The following CRYL1 variants were observed in gnomAD, a reference collection of about 807,000 sequenced individuals.
CRYL1 encodes the protein crystallin lambda 1, also known as lambda-crystallin homolog.
In CRYL1, 29 loss-of-function variants were observed where a neutral mutation model predicts 36.6. The ratio of observed to expected loss-of-function variants is 0.79; its 90% CI spans 0.59 to 1.08. CRYL1 has a LOEUF of 1.08. CRYL1 is among the 50% of genes least tolerant of loss of function. CRYL1 has a pLI of 0.00. For synonymous variants in CRYL1, 152 were observed against 151.5 expected (o/e 1.00, Z -0.02); for missense variants, 411 against 407.9 (o/e 1.01, Z -0.06).
intron 3 of CRYL1, among the ~76,000 whole-genome samples, chr13:20,471,061 T>A (rs1373814834): frequency 6.6e-6 from 1 of 152,052 alleles, no homozygotes; most frequent in Non-Finnish European, 1.5e-5. Context: ...AGAAGTTGTC[T>A]CAGCCATCAA....
At chr13:20,431,062 A>G in intron 5 of CRYL1, 1 of 985,460 alleles carries the variant, frequency 1.0e-6, no homozygotes, top group Non-Finnish European at 1.2e-6. Flanking sequence ...CCGGCAGTCC[A>G]GTCAGACAAT....
At chr13:20,422,985 G>A (rs1245605995) in intron 5 of CRYL1, among the ~76,000 whole-genome samples, 2 of 152,130 alleles carry the variant, frequency 1.3e-5, no homozygotes, top group Non-Finnish European at 2.9e-5. Flanking sequence ...ATAGTTGTCA[G>A]TGTACAGATA....
At chr13:20,411,727 C>T (rs192751720) in intron 6 of CRYL1, among the ~76,000 whole-genome samples, 1 of 152,298 alleles carries the variant, frequency 6.6e-6, no homozygotes, top group East Asian at 1.9e-4. Flanking sequence ...TCTTTCTCTA[C>T]ATTATCTTCT....
At chr13:20,472,378 G>A (rs2033078390) in intron 3 of CRYL1, among the ~76,000 whole-genome samples, 1 of 152,140 alleles carries the variant, frequency 6.6e-6, no homozygotes, top group African/African-American at 2.4e-5. Flanking sequence ...TTCAAGTCGT[G>A]GTTGGCTGAA....
chr13:20,464,935 C>CA (rs2032901849), intron 3 of CRYL1, among the ~76,000 whole-genome samples: 1 of 152,310 alleles, frequency 6.6e-6, no homozygotes, highest in Admixed American at 6.5e-5. Context: ...AAAACCTCTG[C>CA]ACCTTTTTCA....
intron 5 of CRYL1, chr13:20,426,617 C>G (rs1565960050): frequency 1.2e-6 from 1 of 832,140 alleles, no homozygotes; most frequent in Non-Finnish European, 1.4e-6. Flanking sequence ...CACAGAGACA[C>G]ATACAGAGCC....
chr13:20,437,168 AAGAG>A (rs35923379), intron 4 of CRYL1, among the ~76,000 whole-genome samples: 7,089 of 151,462 alleles, frequency 0.047, 375 homozygotes, highest in Admixed American at 0.17. Flanking sequence ...AGAATAAAAA[AAGAG>A]AGAGAGAGAG....
intron 2 of CRYL1, among the ~76,000 whole-genome samples, chr13:20,493,020 T>C (rs556196215): frequency 9.7e-4 from 147 of 152,324 alleles, no homozygotes; most frequent in Non-Finnish European, 1.8e-3. Context: ...AGTTCTCTTT[T>C]TCGCCAATGA....
chr13:20,416,020 C>G (rs895890612), intron 5 of CRYL1, among the ~76,000 whole-genome samples: 2 of 152,192 alleles, frequency 1.3e-5, no homozygotes, highest in Non-Finnish European at 2.9e-5. Context: ...CGCACAGGGC[C>G]CGGGCCGCGG....
chr13:20,512,469 CT>C lies in CRYL1; in HGVS notation c.122del (p.Gln41ArgfsTer2). 1 of 1,614,082 alleles carries C rather than the reference CT, an allele frequency of 6.2e-7. No individual in the cohort carries two copies. The highest frequency in any genetic ancestry group is 1.1e-5 in the South Asian group (1 of 91,056). Reference sequence around the variant, plus strand: ...TGATGTTTTCCAGGGCGTTCCTTATCTGCTGTTGCTCAATGTCATAGAGTTT... The same window carrying C: ...TGATGTTTTCCAGGGCGTTCCTTATCGCTGTTGCTCAATGTCATAGAGTTT... ...QVKLYDIEQQ[Q>X]IRNALENIRK... On this transcript the variant is annotated frameshift_variant, in exon 2 of 8. Coordinates refer to ENST00000298248, the MANE Select transcript of CRYL1 (RefSeq NM_015974.3). LOFTEE classifies it high-confidence loss of function.
At chr13:20,523,644 G>A (rs2034135986) in intron 1 of CRYL1, among the ~76,000 whole-genome samples, 1 of 152,018 alleles carries the variant, frequency 6.6e-6, no homozygotes, top group South Asian at 2.1e-4. Flanking sequence ...AAAGAAGGGT[G>A]GTAAAGAGGA....
At chr13:20,452,812 C>A (rs1013484094) in intron 3 of CRYL1, among the ~76,000 whole-genome samples, 2 of 152,060 alleles carry the variant, frequency 1.3e-5, no homozygotes, top group African/African-American at 4.8e-5. Context: ...GGGGCAGAGG[C>A]TTTATGGGAA....
intron 1 of CRYL1, among the ~76,000 whole-genome samples, chr13:20,516,635 A>G (rs2137516297): frequency 6.6e-6 from 1 of 151,872 alleles, no homozygotes; most frequent in Non-Finnish European, 1.5e-5. Flanking sequence ...GCTCGCCACC[A>G]CGCCTGGCTA....
chr13:20,463,708 C>T (rs2032877124), intron 3 of CRYL1, among the ~76,000 whole-genome samples: 1 of 152,130 alleles, frequency 6.6e-6, no homozygotes, highest in Non-Finnish European at 1.5e-5. Context: ...ATTTCACATT[C>T]AACAGATTGG....
chr13:20,522,911 CTTTT>C (rs386378385), intron 1 of CRYL1, among the ~76,000 whole-genome samples: 22 of 82,962 alleles, frequency 2.7e-4, no homozygotes, highest in African/African-American at 6.3e-4. Flanking sequence ...CCCATTTCTA[CTTTT>C]TTTTTTTTTT....
rs572795374 is a variant in CRYL1 at position 20,426,883 on chromosome 13, C to A, written c.633+5219G>T. On this transcript the variant is annotated intron_variant, in intron 5 of 7. Coordinates refer to ENST00000298248, the MANE Select transcript of CRYL1 (RefSeq NM_015974.3). ...CAAGAGACCAAGAACTCAATCTCTG[C>A]GGCCCAGGCCCTAAGGACAGCAGTC... The A allele has an allele frequency of 1.0e-5, 10 of 985,516 alleles. No individual in the cohort carries two copies. The South Asian group carries it at 3.3e-4, about 32-fold the overall frequency. The allele number at this position is 985,516 out of a possible 1,614,324, so 61.0% of individuals were successfully genotyped here. A position where few individuals can be genotyped will look rare whatever the true frequency, so the allele number is the denominator to read the frequency against.
intron 3 of CRYL1, among the ~76,000 whole-genome samples, chr13:20,484,372 T>A (rs2033352850): frequency 6.6e-6 from 1 of 152,198 alleles, no homozygotes; most frequent in African/African-American, 2.4e-5. Flanking sequence ...TTTAATGGAA[T>A]TCTTAGACGG....
rs751318620 is a variant in CRYL1 at position 20,435,297 on chromosome 13, T to G, written c.439-3001A>C. Among the ~76,000 whole-genome samples, 3 of 152,196 alleles carry G rather than the reference T, an allele frequency of 2.0e-5. No individual in the cohort carries two copies. Among genetic ancestry groups the G allele is most frequent in the Non-Finnish European group, 4.4e-5 (3 of 68,034 alleles). On this transcript the variant is annotated intron_variant, in intron 4 of 7. Coordinates refer to ENST00000298248, the MANE Select transcript of CRYL1 (RefSeq NM_015974.3). The surrounding 1 kb of genome is among the most constrained non-coding windows in gnomAD (Gnocchi z 4.0). ...TCATGCCTTCTCCAACGAAAAATCT[T>G]GAAGGGCTGCCCAGCGCCCACTGTA...
At position 20,469,992 on chromosome 13, in the gene CRYL1, A is replaced by G. The variant is rs2033020484; in HGVS notation, c.276+19378T>C. Among the ~76,000 whole-genome samples the G allele has an allele frequency of 3.9e-5, 6 of 152,312 alleles. No homozygotes were observed. The South Asian group carries it at 1.2e-3, about 32-fold the overall frequency. ...TTAGAAGTTCAGGACTAAGTTCGCTAATTTACGCCTCAGGGTCCTGAAGAA... is the reference window on the plus strand; with the variant it reads ...TTAGAAGTTCAGGACTAAGTTCGCTGATTTACGCCTCAGGGTCCTGAAGAA... On this transcript the variant is annotated intron_variant, in intron 3 of 7. Coordinates refer to ENST00000298248, the MANE Select transcript of CRYL1 (RefSeq NM_015974.3).
Sources: gnomAD v4.1 joint callset for allele counts (sites outside exome capture counted in the v4.1 genomes callset) on GRCh38, gnomAD v4.1.1 for gene constraint, Gnocchi (gnomAD v3.1) non-coding constraint, MANE v1.5 for transcripts, NCBI Gene and HGNC (gene_info 2026-07-23, HGNC 2026-07-21) for gene names.